Variants in EXOC4 observed in about 807,000 individuals in gnomAD.
EXOC4 encodes exocyst complex component 4, also known as SEC8-like 1.
In EXOC4, 71 loss-of-function variants were observed where a neutral mutation model predicts 107.2. The observed-to-expected ratio is 0.66, with a 90% confidence interval of 0.55 to 0.81. The LOEUF is 0.81. Ranked by LOEUF, EXOC4 falls within the 30% of genes least tolerant of loss-of-function variation. EXOC4 has a pLI of 0.00. For synonymous variants in EXOC4, 456 were observed against 441.2 expected (o/e 1.03, Z -0.42); for missense variants, 1,108 against 1,189.6 (o/e 0.93, Z 1.01).
chr7:134,064,203 G>A, intron 17 of EXOC4, 88 bp from the exon 18 acceptor site: 4 of 789,968 alleles, frequency 5.1e-6, no homozygotes, highest in Non-Finnish European at 7.7e-6. Context: ...GTAAGTAGAG[G>A]AATCAATGTA....
rs144033820 is a variant in EXOC4 at position 133,485,567 on chromosome 7, T to C, written c.1417+5429T>C. ...CCCGTCTCCCTACAATATAATTCTT[T>C]ATCACAATATTTAAAAAAATTTTCT... is the stretch of plus-strand genomic sequence containing the variant. On this transcript the variant is annotated intron_variant, in intron 9 of 17. Transcript: ENST00000253861. 3.1e-4 allele frequency among the ~76,000 whole-genome samples: 47 copies of C among 152,250 alleles called. No individual in the cohort carries two copies. In the East Asian group the frequency reaches 8.7e-3, roughly 28 times the overall value.
At chr7:133,334,585 A>G (rs932899222) in intron 5 of EXOC4, among the ~76,000 whole-genome samples, 1 of 152,190 alleles carries the variant, frequency 6.6e-6, no homozygotes, top group Admixed American at 6.5e-5. Context: ...GTTCAGGGGT[A>G]CATGTGCAGG....
chr7:133,381,280 C>T (rs943611507), intron 7 of EXOC4, among the ~76,000 whole-genome samples: 1 of 151,684 alleles, frequency 6.6e-6, no homozygotes, highest in African/African-American at 2.4e-5. Context: ...AGCTATATAC[C>T]CATCAATAAC....
the EXOC4 span, among the ~76,000 whole-genome samples, chr7:134,093,011 T>C: frequency 6.6e-6 from 1 of 151,520 alleles, no homozygotes; most frequent in Non-Finnish European, 1.5e-5. Flanking sequence ...TATGACTGTA[T>C]GGAGCAAAAA....
rs567239910 is a variant in EXOC4 at position 133,994,415 on chromosome 7, C to A, written c.2207-3077C>A. ...ACCTAATGCGTGCGAGGCTTAAAATCTAGATGATGGGCTGATAGGTGCAGC... is the reference window on the plus strand; with the variant it reads ...ACCTAATGCGTGCGAGGCTTAAAATATAGATGATGGGCTGATAGGTGCAGC... On this transcript the variant is annotated intron_variant, in intron 14 of 17. Transcript: ENST00000253861. Among the ~76,000 whole-genome samples, 10 of 152,278 alleles carry A rather than the reference C, an allele frequency of 6.6e-5. No individual in the cohort carries two copies. The East Asian group carries it at 1.9e-3, about 29-fold the overall frequency.
chr7:134,020,097 G>A (rs1794995719), intron 17 of EXOC4, among the ~76,000 whole-genome samples: 1 of 152,198 alleles, frequency 6.6e-6, no homozygotes, highest in Admixed American at 6.5e-5. Context: ...ACAGCACTGA[G>A]CAGCACCATC....
At chr7:134,053,011 C>T (rs963285734) in intron 17 of EXOC4, among the ~76,000 whole-genome samples, 3 of 152,140 alleles carry the variant, frequency 2.0e-5, no homozygotes, top group African/African-American at 7.2e-5. Flanking sequence ...GATTGTATGC[C>T]ATACTTAATG....
intron 7 of EXOC4, among the ~76,000 whole-genome samples, chr7:133,435,383 G>C (rs1195004243): frequency 6.6e-6 from 1 of 151,380 alleles, no homozygotes; most frequent in Non-Finnish European, 1.5e-5. Context: ...GCTATTGATC[G>C]TGTCTGTTTC....
At chr7:133,603,132 C>T (rs1287532379) in intron 9 of EXOC4, among the ~76,000 whole-genome samples, 2 of 152,070 alleles carry the variant, frequency 1.3e-5, no homozygotes, top group Admixed American at 6.6e-5. Flanking sequence ...TTTACTCTTT[C>T]ATCTGCTGGT....
chr7:133,316,017 A>T (rs1441424537), intron 4 of EXOC4, among the ~76,000 whole-genome samples: 1 of 152,192 alleles, frequency 6.6e-6, no homozygotes, highest in Non-Finnish European at 1.5e-5. Flanking sequence ...CTCCTACATT[A>T]TTTGTACTCA....
chr7:133,471,782 A>T (rs1459850568), intron 7 of EXOC4, among the ~76,000 whole-genome samples: 1 of 152,164 alleles, frequency 6.6e-6, no homozygotes, highest in South Asian at 2.1e-4. Flanking sequence ...CTATGGTGGA[A>T]GTAAAGAAAT....
At chr7:133,267,860 C>T (rs571499680) in intron 1 of EXOC4, among the ~76,000 whole-genome samples, 2 of 152,274 alleles carry the variant, frequency 1.3e-5, no homozygotes, top group Non-Finnish European at 2.9e-5. Flanking sequence ...GATCCTGCAT[C>T]GCACTGCTGC....
intron 5 of EXOC4, among the ~76,000 whole-genome samples, chr7:133,323,214 G>A (rs1458631425): frequency 6.6e-6 from 1 of 151,996 alleles, no homozygotes; most frequent in Non-Finnish European, 1.5e-5. Flanking sequence ...TCCTTCTCTT[G>A]CCTGATTGCC....
chr7:133,406,142 G>A (rs1035044838), intron 7 of EXOC4, among the ~76,000 whole-genome samples: 43 of 152,092 alleles, frequency 2.8e-4, no homozygotes, highest in Non-Finnish European at 7.4e-5. Context: ...TTAATTCCAC[G>A]TAACAAGCTG....
At chr7:133,370,158 T>C (rs1796343366) in intron 6 of EXOC4, among the ~76,000 whole-genome samples, 1 of 96,984 alleles carries the variant, frequency 1.0e-5, no homozygotes, top group South Asian at 3.9e-4. Context: ...CCCAAAAGCA[T>C]AAACCAAAGA....
intron 10 of EXOC4, among the ~76,000 whole-genome samples, chr7:133,777,783 C>T (rs536090137): frequency 6.6e-6 from 1 of 152,198 alleles, no homozygotes; most frequent in South Asian, 2.1e-4. Context: ...TCAGTACCAC[C>T]TTTTATAAGG....
intron 10 of EXOC4, among the ~76,000 whole-genome samples, chr7:133,787,785 A>G (rs1233243582): frequency 2.7e-5 from 4 of 147,924 alleles, no homozygotes; most frequent in Non-Finnish European, 4.5e-5. Context: ...AACCTAATTA[A>G]CTCCCAGATA....
chr7:133,806,194 A>G (rs1230514969), intron 10 of EXOC4, among the ~76,000 whole-genome samples: 1 of 152,256 alleles, frequency 6.6e-6, no homozygotes. Flanking sequence ...TTTAATATAA[A>G]GAGAATGTCT....
chr7:133,823,931 T>TA (rs1585177987), intron 11 of EXOC4, among the ~76,000 whole-genome samples: 2 of 95,314 alleles, frequency 2.1e-5, no homozygotes, highest in Non-Finnish European at 3.9e-5. Flanking sequence ...ATAAATTATA[T>TA]ATATATTATA....
Sources: allele counts gnomAD v4.1 joint callset (sites outside exome capture counted in the v4.1 genomes callset), GRCh38; gene constraint gnomAD v4.1.1; transcripts MANE v1.5; gene names NCBI Gene and HGNC (gene_info 2026-07-23, HGNC 2026-07-21).